BAZ2B: variants seen among roughly 807,000 people sequenced by gnomAD.
BAZ2B encodes the protein bromodomain adjacent to zinc finger domain 2B.
In BAZ2B, 91 loss-of-function variants were observed where a neutral mutation model predicts 246.0. The ratio of observed to expected loss-of-function variants is 0.37; its 90% CI spans 0.31 to 0.44. The LOEUF (loss-of-function observed/expected upper bound fraction) is 0.44, where lower values mean the gene tolerates loss of function less well. Among genes scored for constraint, BAZ2B ranks in the 20% least tolerant of loss-of-function variants. BAZ2B has a pLI of 1.00. For synonymous variants in BAZ2B, 855 were observed against 860.0 expected (o/e 0.99, Z 0.10); for missense variants, 2,332 against 2,533.7 (o/e 0.92, Z 1.71).
In BAZ2B at chr2:159,432,976, T is replaced by A. The variant is rs776276644; in HGVS notation, c.1681A>T (p.Ser561Cys). 1 of 1,614,190 alleles carries A rather than the reference T, an allele frequency of 6.2e-7. No individual in the cohort carries two copies. Among genetic ancestry groups the A allele is most frequent in the Non-Finnish European group, 8.5e-7 (1 of 1,180,032 alleles). ...CTAACTGCTTTTTCCTTCCCTTGAC[T>A]ATGCAGGATGGGAGAGGCAGAGGGC... ...VMPSASPILHSQGKEKAVSNN... is the reference protein window; with the variant it reads ...VMPSASPILHCQGKEKAVSNN... Residue 561 changes from serine (S) to cysteine (C), a missense_variant, in exon 9 of 37, where the codon AGT (serine) becomes TGT (cysteine). By Grantham distance (112) the Ser-to-Cys change is moderately radical (BLOSUM62 -1). This residue lies in a region of BAZ2B where 651 missense variants were observed against 650.9 expected (regional missense o/e 1.00). Coordinates refer to ENST00000392783, the MANE Select transcript of BAZ2B (RefSeq NM_013450.4).
intron 2 of BAZ2B, among the ~76,000 whole-genome samples, chr2:159,520,851 A>G (rs956511247): frequency 2.0e-5 from 3 of 152,180 alleles, no homozygotes; most frequent in Non-Finnish European, 2.9e-5. Flanking sequence ...ACGAAGATTA[A>G]ATGACAATTT....
At chr2:159,461,252 A>G (rs2076372865) in intron 3 of BAZ2B, 2 of 152,402 alleles carry the variant, frequency 1.3e-5, no homozygotes, top group African/African-American at 4.8e-5. Context: ...ATCCACCATT[A>G]CCAGTTGTTA....
chr2:159,710,499 C>T, the BAZ2B span, among the ~76,000 whole-genome samples: 2 of 152,128 alleles, frequency 1.3e-5, no homozygotes, highest in Admixed American at 6.5e-5. Flanking sequence ...TGAGCCACGG[C>T]GCCCGGCTGC....
At chr2:159,594,297 C>T (rs1040027772) in intron 1 of BAZ2B, among the ~76,000 whole-genome samples, 5 of 152,172 alleles carry the variant, frequency 3.3e-5, no homozygotes, top group Admixed American at 2.0e-4. Flanking sequence ...GTCCCAGCTA[C>T]TCCGGAGGCT....
Position 159,385,489 on chromosome 2 carries a change from T to C in BAZ2B, c.3472-120A>G. ...ACTACTGACAAGAGCTTTATTCACTTTTTTTTTAATGAAAGAGACACAAAA... is the reference window on the plus strand; with the variant it reads ...ACTACTGACAAGAGCTTTATTCACTCTTTTTTTAATGAAAGAGACACAAAA... On this transcript the variant is annotated intron_variant, in intron 22 of 36. Transcript: ENST00000392783. 10 of 833,448 alleles carry C rather than the reference T, an allele frequency of 1.2e-5. 1 individual carries two copies. The South Asian group carries it at 2.1e-4, about 17-fold the overall frequency. The allele number at this position is 833,448 out of a possible 1,614,324, so 51.6% of individuals were successfully genotyped here.
chr2:159,526,281 G>A (rs555905815), intron 2 of BAZ2B, among the ~76,000 whole-genome samples: 3 of 152,070 alleles, frequency 2.0e-5, no homozygotes, highest in African/African-American at 7.2e-5. Context: ...ACATAAACTG[G>A]TACAATTATA....
At position 159,389,304 on chromosome 2, in the gene BAZ2B, T is replaced by C. The variant is rs1026243430; in HGVS notation, c.3216+41A>G. 1.3e-5 allele frequency: 20 copies of C among 1,515,740 alleles called. No individual in the cohort carries two copies. The African/African-American group carries it at 2.7e-4, about 20-fold the overall frequency. 93.9% of individuals were successfully genotyped at this position (1,515,740 alleles called of 1,614,324 possible). On this transcript the variant is annotated intron_variant, in intron 21 of 36. Transcript: ENST00000392783. ...AATCAGGTAAGAAAACTGGAAAAAT[T>C]AAACTTATGAATGAAATGGTGTACA...
At chr2:159,551,040 AT>A (rs1396639116) in intron 2 of BAZ2B, among the ~76,000 whole-genome samples, 1 of 152,056 alleles carries the variant, frequency 6.6e-6, no homozygotes, top group African/African-American at 2.4e-5. Context: ...GTCTCACTAT[AT>A]TGCCCAGGTT....
intron 27 of BAZ2B, among the ~76,000 whole-genome samples, chr2:159,366,203 A>G (rs549163164): frequency 6.6e-6 from 1 of 152,314 alleles, no homozygotes; most frequent in South Asian, 2.1e-4. Context: ...CATGCCCCAC[A>G]TTAGGAGAAC....
intron 35 of BAZ2B, 145 bp downstream of exon 35, chr2:159,325,508 T>G (rs1315292931): frequency 1.3e-5 from 11 of 858,060 alleles, no homozygotes; most frequent in Admixed American, 3.4e-5. Context: ...ACTATACTTT[T>G]ACTTATATAT....
At chr2:159,475,890 T>C (rs953988226) in intron 3 of BAZ2B, among the ~76,000 whole-genome samples, 3 of 152,170 alleles carry the variant, frequency 2.0e-5, no homozygotes, top group Non-Finnish European at 4.4e-5. Context: ...CAGCAAAGAT[T>C]GCTGCCTGTT....
chr2:159,529,044 A>G (rs2085069496), intron 2 of BAZ2B, among the ~76,000 whole-genome samples: 1 of 151,984 alleles, frequency 6.6e-6, no homozygotes, highest in South Asian at 2.1e-4. Flanking sequence ...GCACACCAAC[A>G]TGGCACATGT....
chr2:159,317,973 C>T (rs538961489), downstream of BAZ2B, among the ~76,000 whole-genome samples: 9 of 152,168 alleles, frequency 5.9e-5, no homozygotes, highest in East Asian at 1.9e-4. Context: ...GACACCAGTC[C>T]GAAGTAGCCA....
At chr2:159,372,992 T>G in intron 27 of BAZ2B, 53 bp downstream of exon 27, 2 of 1,525,144 alleles carry the variant, frequency 1.3e-6, no homozygotes, top group South Asian at 2.5e-5. Flanking sequence ...TAACAGAGTT[T>G]TAAAATATAT....
the BAZ2B span, among the ~76,000 whole-genome samples, chr2:159,707,806 G>A: frequency 3.3e-5 from 5 of 151,700 alleles, no homozygotes; most frequent in Admixed American, 6.6e-5. Context: ...CAGCCTGGGC[G>A]ACAGAGCAAG....
the BAZ2B span, among the ~76,000 whole-genome samples, chr2:159,631,317 A>C: frequency 6.6e-6 from 1 of 152,308 alleles, no homozygotes; most frequent in South Asian, 2.1e-4. Flanking sequence ...ATTAGAATGA[A>C]CTCATTTTAT....
intron 27 of BAZ2B, among the ~76,000 whole-genome samples, chr2:159,363,170 C>A (rs3755427): frequency 1.3e-5 from 2 of 151,986 alleles, no homozygotes; most frequent in African/African-American, 4.8e-5. Flanking sequence ...TCTGGGTTGA[C>A]TAATAACACT....
rs180768851 is a variant in BAZ2B, at chr2:159,409,962, T to C, written c.2677+2373A>G. Among the ~76,000 whole-genome samples, 6 of 152,348 alleles carry C rather than the reference T, an allele frequency of 3.9e-5. No individual in the cohort carries two copies. In the East Asian group the frequency reaches 9.6e-4, roughly 24 times the overall value. On this transcript the variant is annotated intron_variant, in intron 14 of 36. Coordinates refer to ENST00000392783, the MANE Select transcript of BAZ2B (RefSeq NM_013450.4). ...AGGGAGAATAAACATTCGGTAAAAGTTGAATAATTAACTTCTACTTTGTTA... is the reference window on the plus strand; with the variant it reads ...AGGGAGAATAAACATTCGGTAAAAGCTGAATAATTAACTTCTACTTTGTTA...
rs775631720 is a variant in BAZ2B at position 159,382,768 on chromosome 2, T to G, written c.3796A>C (p.Arg1266=). Residue 1266 remains arginine (R), a synonymous_variant, in exon 25 of 37, where the codon AGA becomes CGA. Coordinates refer to ENST00000392783, the MANE Select transcript of BAZ2B (RefSeq NM_013450.4). ...AGATCAATGCCACCTGAAGTGTCTC[T>G]TTTGCCTGTTTTCTTAGCATGAATG... ...RIIHAKKTGK[R]DTSGGIDLGE... is the part of the protein sequence containing the mutation. The G allele has an allele frequency of 1.9e-6, 3 of 1,613,730 alleles. No individual in the cohort carries two copies. The highest frequency in any genetic ancestry group is 1.3e-5 in the African/African-American group (1 of 75,010).
Sources: allele counts gnomAD v4.1 joint callset (sites outside exome capture counted in the v4.1 genomes callset), GRCh38; gene constraint gnomAD v4.1.1; regional missense constraint gnomAD v4.1.1; transcripts MANE v1.5; gene names NCBI Gene and HGNC (gene_info 2026-07-23, HGNC 2026-07-21).